Variants in BACH2 observed in about 807,000 individuals in gnomAD.
The protein encoded by BACH2 is BACH transcriptional regulator 2.
BACH2 carries 5 observed loss-of-function variants against 61.8 expected under a neutral mutation model. That is an observed-to-expected ratio of 0.08 (90% confidence interval 0.04 to 0.17). The LOEUF (loss-of-function observed/expected upper bound fraction) is 0.17. BACH2 is among the 10% of genes least tolerant of loss of function. BACH2 has a pLI of 1.00. For missense variants in BACH2, 824 were observed against 1,091.1 expected, an observed-to-expected ratio of 0.76 and a Z score of 3.45; for synonymous variants, 446 against 440.1, an observed-to-expected ratio of 1.01 and a Z score of -0.17.
intron 4 of BACH2, among the ~76,000 whole-genome samples, chr6:90,092,833 T>TGTAA (rs769750448): frequency 1.3e-4 from 20 of 152,300 alleles, no homozygotes; most frequent in Non-Finnish European, 2.5e-4. Flanking sequence ...ATGAAATGAC[T>TGTAA]GTAAGGTCTT....
chr6:90,138,050 TAA>T lies in BACH2; in HGVS notation c.-161-48943_-161-48942del, dbSNP rs1491499458. Among the ~76,000 whole-genome samples the T allele has an allele frequency of 2.4e-4, 23 of 97,126 alleles. 1 individual carries two copies. Among genetic ancestry groups the T allele is most frequent in the African/African-American group, 8.0e-4 (21 of 26,346 alleles). 63.7% of individuals were successfully genotyped at this position (97,126 alleles called of 152,430 possible). The stretch of plus-strand genomic sequence containing the variant: ...TATGAGATCATGACTATTCTAATCA[TAA>T]AACACACACACACACACACACACAC... On this transcript the variant is annotated intron_variant, in intron 4 of 8. Transcript: ENST00000257749.
At chr6:90,058,194 C>T (rs1780475066) in intron 5 of BACH2, among the ~76,000 whole-genome samples, 1 of 152,192 alleles carries the variant, frequency 6.6e-6, no homozygotes, top group Non-Finnish European at 1.5e-5. Flanking sequence ...TCCCTCTTTG[C>T]AGATGACATG....
intron 2 of BACH2, among the ~76,000 whole-genome samples, chr6:90,271,099 C>G (rs1194609315): frequency 1.3e-5 from 2 of 152,110 alleles, no homozygotes; most frequent in Non-Finnish European, 2.9e-5. Flanking sequence ...AGACTTAAAT[C>G]TAAGACCTGA....
At chr6:89,997,985 T>C (rs1388097691) in intron 6 of BACH2, among the ~76,000 whole-genome samples, 2 of 152,240 alleles carry the variant, frequency 1.3e-5, no homozygotes, top group African/African-American at 4.8e-5. Context: ...TAGAAAATGA[T>C]GGCTTAAAAA....
intron 4 of BACH2, among the ~76,000 whole-genome samples, chr6:90,125,537 C>T (rs1182435571): frequency 2.0e-5 from 3 of 152,204 alleles, no homozygotes; most frequent in African/African-American, 4.8e-5. Flanking sequence ...CAATCCTCTC[C>T]AAACGTTCAC....
intron 1 of BACH2, among the ~76,000 whole-genome samples, chr6:90,289,929 A>T (rs1772129935): frequency 6.6e-6 from 1 of 152,212 alleles, no homozygotes; most frequent in Non-Finnish European, 1.5e-5. Flanking sequence ...AAACCAACCT[A>T]AATATGTTCA....
intron 6 of BACH2, among the ~76,000 whole-genome samples, chr6:89,966,127 T>C (rs1775033956): frequency 6.6e-6 from 1 of 152,198 alleles, no homozygotes; most frequent in Non-Finnish European, 1.5e-5. Context: ...GTATGCCTTA[T>C]CAGCATGGTT....
At chr6:89,954,549 T>G (rs1193267101) in intron 6 of BACH2, among the ~76,000 whole-genome samples, 1 of 145,300 alleles carries the variant, frequency 6.9e-6, no homozygotes, top group African/African-American at 2.6e-5. Context: ...TAGGTCTAAG[T>G]AAGTCTTACC....
Position 90,247,627 on chromosome 6 carries a change from A to T in BACH2, c.-275+4886T>A, listed in dbSNP as rs929157324. Reference sequence around the variant, plus strand: ...ATCAACTTTTTCTAAACTTAGAGGAATTCTTCACTCCCCTAAAGTATAGCC... The same window carrying T: ...ATCAACTTTTTCTAAACTTAGAGGATTTCTTCACTCCCCTAAAGTATAGCC... On this transcript the variant is annotated intron_variant, in intron 3 of 8. Coordinates refer to ENST00000257749, the MANE Select transcript of BACH2 (RefSeq NM_021813.4). 6.6e-5 allele frequency among the ~76,000 whole-genome samples: 10 copies of T among 152,270 alleles called. 1 individual carries two copies. In the South Asian group the frequency reaches 1.9e-3, roughly 28 times the overall value.
At chr6:90,184,608 T>A (rs537500948) in intron 4 of BACH2, among the ~76,000 whole-genome samples, 5 of 152,200 alleles carry the variant, frequency 3.3e-5, no homozygotes, top group South Asian at 4.1e-4. Context: ...TGAAGTTTCA[T>A]GAAAGAAATG....
At chr6:90,091,001 T>C (rs1038411530) in intron 4 of BACH2, among the ~76,000 whole-genome samples, 4 of 152,114 alleles carry the variant, frequency 2.6e-5, no homozygotes, top group African/African-American at 9.7e-5. Context: ...TCCTTGTATG[T>C]ATTATCTCAT....
intron 4 of BACH2, among the ~76,000 whole-genome samples, chr6:90,129,048 A>G (rs1346759973): frequency 1.3e-5 from 2 of 151,480 alleles, no homozygotes; most frequent in Non-Finnish European, 2.9e-5. Flanking sequence ...AACATCACAC[A>G]CTGGGGCCTG....
chr6:90,064,185 T>C (rs1316931022), intron 5 of BACH2, among the ~76,000 whole-genome samples: 1 of 152,232 alleles, frequency 6.6e-6, no homozygotes, highest in Non-Finnish European at 1.5e-5. Flanking sequence ...GAATGTGATA[T>C]GTGCCATTTG....
intron 4 of BACH2, among the ~76,000 whole-genome samples, chr6:90,187,145 T>TCA (rs1768388006): frequency 6.6e-6 from 1 of 152,170 alleles, no homozygotes; most frequent in Non-Finnish European, 1.5e-5. Flanking sequence ...AAGTGTCTTA[T>TCA]TGAGAACACG....
chr6:90,237,001 G>A (rs1467326266), intron 3 of BACH2, among the ~76,000 whole-genome samples: 1 of 151,966 alleles, frequency 6.6e-6, no homozygotes, highest in Non-Finnish European at 1.5e-5. Context: ...TCAGCTCACT[G>A]CAACCTCCAC....
At chr6:90,141,097 A>G (rs1784442880) in intron 4 of BACH2, among the ~76,000 whole-genome samples, 1 of 152,272 alleles carries the variant, frequency 6.6e-6, no homozygotes, top group African/African-American at 2.4e-5. Flanking sequence ...TAAGAAACTT[A>G]AGGCATGGAA....
chr6:90,229,498 CA>C (rs2127859542), intron 3 of BACH2, among the ~76,000 whole-genome samples: 1 of 152,132 alleles, frequency 6.6e-6, no homozygotes. Context: ...GGGTGGAAGC[CA>C]GGCCATCTGT....
intron 8 of BACH2, among the ~76,000 whole-genome samples, chr6:89,935,896 A>C (rs7739537): frequency 1.3e-5 from 2 of 152,074 alleles, no homozygotes; most frequent in Non-Finnish European, 2.9e-5. Flanking sequence ...ACCTAAGCCC[A>C]GCAGGCTTTC....
Position 90,008,281 on chromosome 6 carries a change from A to T in BACH2, c.243+321T>A, listed in dbSNP as rs1436663543. 1.7e-5 allele frequency: 6 copies of T among 358,976 alleles called. No individual in the cohort carries two copies. The highest frequency in any genetic ancestry group is 3.1e-5 in the Non-Finnish European group (6 of 193,988). 22.2% of individuals were successfully genotyped at this position (358,976 alleles called of 1,614,324 possible). A position where few individuals can be genotyped will look rare whatever the true frequency, so the allele number is the denominator to read the frequency against. On this transcript the variant is annotated intron_variant, in intron 6 of 8. Transcript: ENST00000257749. The surrounding 1 kb of genome is among the most constrained non-coding windows in gnomAD (Gnocchi z 4.1). ...CATCTGAAAGACAGAAATCATAGCA[A>T]TGATTCAGATCCCACATCTAGGACT... is the stretch of plus-strand genomic sequence containing the variant.
Sources: allele counts gnomAD v4.1 joint callset (sites outside exome capture counted in the v4.1 genomes callset), GRCh38; gene constraint gnomAD v4.1.1; non-coding constraint Gnocchi (gnomAD v3.1); transcripts MANE v1.5; gene names NCBI Gene and HGNC (gene_info 2026-07-23, HGNC 2026-07-21).